The following PIK3R5 variants were observed in gnomAD, a reference collection of about 807,000 sequenced individuals.
PIK3R5 encodes the protein phosphoinositide-3-kinase regulatory subunit 5, also known as phosphoinositide 3-kinase regulatory subunit 5.
PIK3R5 carries 32 observed loss-of-function variants against 94.9 expected under a neutral mutation model. The ratio of observed to expected loss-of-function variants is 0.34; its 90% CI spans 0.25 to 0.45. PIK3R5 has a LOEUF of 0.45. Ranked by LOEUF, PIK3R5 falls within the 20% of genes least tolerant of loss-of-function variation. The pLI, the probability that PIK3R5 is intolerant of heterozygous loss-of-function variation, is 1.00. For missense variants in PIK3R5, 853 were observed against 1,144.6 expected (o/e 0.75, Z 3.68); for synonymous variants, 443 against 479.4 (o/e 0.92, Z 0.99).
intron 3 of PIK3R5, among the ~76,000 whole-genome samples, chr17:8,906,617 T>G (rs185999172): frequency 1.5e-4 from 23 of 152,316 alleles, no homozygotes; most frequent in East Asian, 1.3e-3. Flanking sequence ...GCCCAGTGGC[T>G]CATGCTTGTA....
At chr17:8,940,927 G>C (rs1206400886) in intron 1 of PIK3R5, among the ~76,000 whole-genome samples, 2 of 152,136 alleles carry the variant, frequency 1.3e-5, no homozygotes, top group Non-Finnish European at 2.9e-5. Flanking sequence ...TGTGGACCCA[G>C]ACCTCCTCAC....
intron 2 of PIK3R5, among the ~76,000 whole-genome samples, chr17:8,910,447 A>C (rs747753101): frequency 2.0e-5 from 3 of 152,226 alleles, no homozygotes; most frequent in Non-Finnish European, 4.4e-5. Flanking sequence ...CTATGTGCCA[A>C]TACAGTGCTA....
intron 1 of PIK3R5, among the ~76,000 whole-genome samples, chr17:8,931,142 C>G (rs911957432): frequency 6.6e-6 from 1 of 152,320 alleles, no homozygotes; most frequent in African/African-American, 2.4e-5. Context: ...AAGCCTTGTA[C>G]AGATAAGTTT....
intron 1 of PIK3R5, among the ~76,000 whole-genome samples, chr17:8,913,699 G>A (rs925267442): frequency 1.3e-5 from 2 of 152,182 alleles, no homozygotes; most frequent in Admixed American, 6.5e-5. Flanking sequence ...GTGACAGAGC[G>A]AGATTCCATC....
chr17:8,922,119 T>A (rs1372297767), intron 1 of PIK3R5, among the ~76,000 whole-genome samples: 1 of 128,286 alleles, frequency 7.8e-6, no homozygotes, highest in Non-Finnish European at 1.6e-5. Context: ...AGTTTCAGCC[T>A]GGAGAATAGG....
At position 8,888,722 on chromosome 17, in the gene PIK3R5, A is replaced by G. The variant is rs2151370126; in HGVS notation, c.1065T>C (p.His355=). 1 of 1,613,798 alleles carries G rather than the reference A, an allele frequency of 6.2e-7. No homozygotes were observed. The highest frequency in any genetic ancestry group is 8.5e-7 in the Non-Finnish European group (1 of 1,179,994). ...SLLSTSSLAS[H]DSTLSLASSQ... is the part of the protein sequence containing the mutation. ...AGGATGCAAGGGACAAGGTGGAGTCATGGGACGCCAAAGAGCTGGTGGAGA... is the reference window on the plus strand; with the variant it reads ...AGGATGCAAGGGACAAGGTGGAGTCGTGGGACGCCAAAGAGCTGGTGGAGA... The change falls in exon 10 of 19, where the codon CAT becomes CAC. Residue 355 remains histidine (H), a synonymous_variant. Coordinates refer to ENST00000447110, the MANE Select transcript of PIK3R5 (RefSeq NM_001142633.3). The surrounding 1 kb of genome is among the most constrained non-coding windows in gnomAD (Gnocchi z 7.8).
chr17:8,935,386 C>T lies in PIK3R5; in HGVS notation c.-13-23879G>A, dbSNP rs571601060. On this transcript the variant is annotated intron_variant, in intron 1 of 18. Coordinates refer to ENST00000447110, the MANE Select transcript of PIK3R5 (RefSeq NM_001142633.3). The surrounding 1 kb of genome is among the most constrained non-coding windows in gnomAD (Gnocchi z 4.5). ...TTCCTCTGGCTTCAAGGGGAAATCA[C>T]GTCTATTGCAACGTCCCAGTGAGTC... Among the ~76,000 whole-genome samples, 17 of 152,198 alleles carry T rather than the reference C, an allele frequency of 1.1e-4. 1 individual carries two copies. Among genetic ancestry groups the T allele is most frequent in the African/African-American group, 3.4e-4 (14 of 41,492 alleles).
rs1244815041 is a variant in PIK3R5, at chr17:8,881,518, TATGTGCACACATGCACACACATAC to T, written c.2382+88_2382+111del. 24 of 836,456 alleles carry T rather than the reference TATGTGCACACATGCACACACATAC, an allele frequency of 2.9e-5. No individual in the cohort carries two copies. Among genetic ancestry groups the T allele is most frequent in the South Asian group, 6.1e-5 (4 of 65,354 alleles). The allele number at this position is 836,456 out of a possible 1,614,324, so 51.8% of individuals were successfully genotyped here. A position where few individuals can be genotyped will look rare whatever the true frequency, so the allele number is the denominator to read the frequency against. On this transcript the variant is annotated intron_variant, in intron 17 of 18. Transcript: ENST00000447110. The surrounding 1 kb of genome is among the most constrained non-coding windows in gnomAD (Gnocchi z 4.8). ...ACACAAGTATGTACACACGGGTGTG[TATGTGCACACATGCACACACATAC>T]ATGTGCACACACACGTACACACATA...
rs776693594 is a variant in PIK3R5 at position 8,890,184 on chromosome 17, G to A, written c.658-58C>T. The A allele has an allele frequency of 2.3e-5, 36 of 1,569,376 alleles. No homozygotes were observed. Among genetic ancestry groups the A allele is most frequent in the Non-Finnish European group, 2.9e-5 (33 of 1,146,040 alleles). On this transcript the variant is annotated intron_variant, in intron 7 of 18. Transcript: ENST00000447110. This position sits in a 1 kb window ranked among gnomAD's most constrained non-coding sequence, Gnocchi z 6.1. ...TGGACCGTGAGCTAGCTGTCCACCT[G>A]TTCCAGTTGCTAGCTTCTTACTGAG... is the stretch of plus-strand genomic sequence containing the variant.
chr17:8,881,506 C>T lies in PIK3R5; in HGVS notation c.2382+124G>A. The T allele has an allele frequency of 1.3e-6, 1 of 779,034 alleles. No individual in the cohort carries two copies. Among genetic ancestry groups the T allele is most frequent in the Non-Finnish European group, 2.2e-6 (1 of 454,542 alleles). The allele number at this position is 779,034 out of a possible 1,614,324, so 48.3% of individuals were successfully genotyped here. On this transcript the variant is annotated intron_variant, in intron 17 of 18. Transcript: ENST00000447110. The surrounding 1 kb of genome is among the most constrained non-coding windows in gnomAD (Gnocchi z 4.8). Reference sequence around the variant, plus strand: ...TCTCTCACACACACACAAGTATGTACACACGGGTGTGTATGTGCACACATG... The same window carrying T: ...TCTCTCACACACACACAAGTATGTATACACGGGTGTGTATGTGCACACATG...
chr17:8,926,375 G>GA (rs1047923898), intron 1 of PIK3R5, among the ~76,000 whole-genome samples: 3 of 151,642 alleles, frequency 2.0e-5, no homozygotes, highest in African/African-American at 4.8e-5. Context: ...CTTCCAGTTT[G>GA]AAAAAAAATG....
At chr17:8,950,581 G>T (rs185979553) in intron 1 of PIK3R5, among the ~76,000 whole-genome samples, 1 of 152,246 alleles carries the variant, frequency 6.6e-6, no homozygotes, top group African/African-American at 2.4e-5. Flanking sequence ...ATTTGCTTAG[G>T]ATTATGGCCT....
chr17:8,921,721 G>A (rs887219387), intron 1 of PIK3R5, among the ~76,000 whole-genome samples: 1 of 152,018 alleles, frequency 6.6e-6, no homozygotes, highest in African/African-American at 2.4e-5. Context: ...AAAAGCAAAA[G>A]TAAATGGAAA....
At chr17:8,913,427 C>T (rs1479015775) in intron 1 of PIK3R5, among the ~76,000 whole-genome samples, 2 of 152,216 alleles carry the variant, frequency 1.3e-5, no homozygotes, top group Non-Finnish European at 2.9e-5. Context: ...TCACGGGTGG[C>T]TGGGTGCGGT....
rs62638687 is a variant in PIK3R5, at chr17:8,888,477, C to G, written c.1310G>C (p.Arg437Pro). The G allele has an allele frequency of 6.2e-7, 1 of 1,604,032 alleles. No homozygotes were observed. Among genetic ancestry groups the G allele is most frequent in the Non-Finnish European group, 8.5e-7 (1 of 1,176,170 alleles). ...GCCCTCCAGGCTCCGAGAGTCCCTC[C>G]GCAGTACCAGCTGGCTGGTGCTCTT... is the stretch of plus-strand genomic sequence containing the variant. The part of the protein sequence containing the change: ...LFKSTSQLVL[R>P]RDSRSLEGSS... Residue 437 changes from arginine to proline, a missense_variant, in exon 10 of 19, where the codon CGG becomes CCG. By Grantham distance (103) the Arg-to-Pro change is moderately radical. Coordinates refer to ENST00000447110, the MANE Select transcript of PIK3R5 (RefSeq NM_001142633.3). The surrounding 1 kb of genome is among the most constrained non-coding windows in gnomAD (Gnocchi z 7.8).
chr17:8,944,364 T>C (rs1043185994), intron 1 of PIK3R5, among the ~76,000 whole-genome samples: 3 of 152,164 alleles, frequency 2.0e-5, no homozygotes, highest in African/African-American at 2.4e-5. Context: ...GTCTTTGCTG[T>C]GTGAATAGTG....
rs1352719669 is a variant in PIK3R5, at chr17:8,911,740, A to T, written c.-13-233T>A. ...GCACCCCTGCAGCAGAACGGGACAG[A>T]GGTGTGGGAAGTAAGGGGTCAGGAA... On this transcript the variant is annotated intron_variant, in intron 1 of 18. Transcript: ENST00000447110. This position sits in a 1 kb window ranked among gnomAD's most constrained non-coding sequence, Gnocchi z 5.3. The T allele has an allele frequency of 2.3e-6, 1 of 439,944 alleles. No homozygotes were observed. Among genetic ancestry groups the T allele is most frequent in the Admixed American group, 3.7e-5 (1 of 26,916 alleles). The allele number at this position is 439,944 out of a possible 1,614,324, so 27.3% of individuals were successfully genotyped here.
chr17:8,904,948 C>A lies in PIK3R5; in HGVS notation c.274-33G>T. On this transcript the variant is annotated intron_variant, in intron 4 of 18. Transcript: ENST00000447110. The surrounding 1 kb of genome is among the most constrained non-coding windows in gnomAD (Gnocchi z 5.1). ...GGAGGCAGGCAACAAGCAAAGAGAT[C>A]TAGGTGAGAAAAGGCTCAGATAGTC... 3 of 1,606,538 alleles carry A rather than the reference C, an allele frequency of 1.9e-6. No individual in the cohort carries two copies. The highest frequency in any genetic ancestry group is 2.5e-6 in the Non-Finnish European group (3 of 1,179,048).
In PIK3R5 at chr17:8,904,331, A is replaced by G. The variant is rs1025162414; in HGVS notation, c.412+446T>C. 1.3e-5 allele frequency among the ~76,000 whole-genome samples: 2 copies of G among 152,142 alleles called. No homozygotes were observed. The highest frequency in any genetic ancestry group is 2.9e-5 in the Non-Finnish European group (2 of 68,004). ...TGTCACAGTGGTCATTGTTCCTAGT[A>G]CCAGCCACCTTCCCCAACCCAAACT... On this transcript the variant is annotated intron_variant, in intron 5 of 18. Transcript: ENST00000447110. This position sits in a 1 kb window ranked among gnomAD's most constrained non-coding sequence, Gnocchi z 5.1.
Sources: gnomAD v4.1 joint callset for allele counts (sites outside exome capture counted in the v4.1 genomes callset) on GRCh38, gnomAD v4.1.1 for gene constraint, Gnocchi (gnomAD v3.1) non-coding constraint, MANE v1.5 for transcripts, NCBI Gene and HGNC (gene_info 2026-07-23, HGNC 2026-07-21) for gene names.